The following XKR6 variants were observed in gnomAD, a reference collection of about 807,000 sequenced individuals.
XKR6 encodes XK-related protein 6.
Under a neutral mutation model 56.7 loss-of-function variants are expected in XKR6, and 22 were observed. The ratio of observed to expected loss-of-function variants is 0.39; its 90% CI spans 0.28 to 0.55. The LOEUF is 0.55. Among genes scored for constraint, XKR6 ranks in the 20% least tolerant of loss-of-function variants. The pLI is 0.66. For synonymous variants in XKR6, 524 were observed against 387.8 expected, an observed-to-expected ratio of 1.35 and a Z score of -4.13; for missense variants, 852 against 889.0, an observed-to-expected ratio of 0.96 and a Z score of 0.53.
chr8:11,050,061 G>T (rs550977605), intron 1 of XKR6, among the ~76,000 whole-genome samples: 1 of 152,180 alleles, frequency 6.6e-6, no homozygotes, highest in Non-Finnish European at 1.5e-5. Context: ...ACACGCTCCA[G>T]TCCTCGGGGT....
rs1035719190 is a variant in XKR6 at position 10,898,294 on chromosome 8, G to A, written c.1584C>T (p.Pro528=). 8.7e-6 allele frequency: 14 copies of A among 1,613,970 alleles called. No homozygotes were observed. Among genetic ancestry groups the A allele is most frequent in the Admixed American group, 1.7e-5 (1 of 60,004 alleles). The change falls in exon 3 of 3, where the codon CCC becomes CCT. Residue 528 remains proline, a synonymous_variant. Transcript: ENST00000416569. The surrounding 1 kb of genome is among the most constrained non-coding windows in gnomAD (Gnocchi z 6.6). ...GGTACCCAGGGATCTCAGGCGCCAT[G>A]GGCTCAACATCGGGGGGCAAAGGGA... ...WGIPLPPDVE[P]MAPEIPGYRG...
intron 1 of XKR6, among the ~76,000 whole-genome samples, chr8:10,988,500 C>T (rs1797914893): frequency 6.6e-6 from 1 of 152,310 alleles, no homozygotes; most frequent in Non-Finnish European, 1.5e-5. Context: ...TGAGAACCCC[C>T]ACTGTCACGT....
At chr8:11,155,072 G>A (rs1425665314) in intron 1 of XKR6, among the ~76,000 whole-genome samples, 1 of 152,198 alleles carries the variant, frequency 6.6e-6, no homozygotes, top group Non-Finnish European at 1.5e-5. Flanking sequence ...CAGAACCATG[G>A]TTTCATCCTG....
At chr8:11,183,104 T>C (rs1803082690) in intron 1 of XKR6, among the ~76,000 whole-genome samples, 1 of 152,214 alleles carries the variant, frequency 6.6e-6, no homozygotes, top group Admixed American at 6.5e-5. Context: ...ATTTTGTTTA[T>C]TCACTTGTGT....
chr8:11,128,124 T>A (rs1200564454), intron 1 of XKR6, among the ~76,000 whole-genome samples: 1 of 152,186 alleles, frequency 6.6e-6, no homozygotes, highest in African/African-American at 2.4e-5. Context: ...TTAGCTAGAA[T>A]GAAGTTAATA....
At position 11,114,278 on chromosome 8, in the gene XKR6, G is replaced by T. The variant is rs192124300; in HGVS notation, c.764+86298C>A. Among the ~76,000 whole-genome samples, 215 of 152,208 alleles carry T rather than the reference G, an allele frequency of 1.4e-3. 3 individuals are homozygous for T. In the East Asian group the frequency reaches 0.029, roughly 21 times the overall value. On this transcript the variant is annotated intron_variant, in intron 1 of 2. Coordinates refer to ENST00000416569, the MANE Select transcript of XKR6 (RefSeq NM_173683.4). ...CCCGTCTTATCCTGTTAGCCGCTGG[G>T]TATCGTAACAACTGAAATCCAAGTT...
chr8:10,983,281 A>G (rs2129137924), intron 1 of XKR6, among the ~76,000 whole-genome samples: 1 of 152,312 alleles, frequency 6.6e-6, no homozygotes, highest in South Asian at 2.1e-4. Flanking sequence ...AGTTAACATC[A>G]TCAAGAAAAA....
chr8:10,993,823 G>A (rs73539337), intron 1 of XKR6, among the ~76,000 whole-genome samples: 4,791 of 152,272 alleles, frequency 0.031, 257 homozygotes, highest in African/African-American at 0.11. Flanking sequence ...TATTCAAAGA[G>A]GGGCTGGGGT....
At chr8:11,048,729 G>C (rs749424059) in intron 1 of XKR6, among the ~76,000 whole-genome samples, 8 of 152,284 alleles carry the variant, frequency 5.3e-5, no homozygotes, top group South Asian at 4.2e-4. Context: ...TGCAGGGTTT[G>C]TGCTACCCCC....
intron 1 of XKR6, among the ~76,000 whole-genome samples, chr8:11,138,943 C>G (rs1212953520): frequency 6.6e-6 from 1 of 151,496 alleles, no homozygotes; most frequent in East Asian, 1.9e-4. Flanking sequence ...AAAACCTGAC[C>G]TCAAGATGAA....
chr8:10,953,662 A>C (rs1050954577), intron 1 of XKR6, among the ~76,000 whole-genome samples: 15 of 152,208 alleles, frequency 9.9e-5, no homozygotes, highest in African/African-American at 3.4e-4. Context: ...TGTGGGAAGA[A>C]TCTAGATAAT....
intron 1 of XKR6, among the ~76,000 whole-genome samples, chr8:10,984,732 C>CTCTCTA: frequency 7.6e-4 from 36 of 47,480 alleles, no homozygotes; most frequent in African/African-American, 2.0e-3. Flanking sequence ...CTCTCTCTCT[C>CTCTCTA]TATATATATA....
rs1799938107 is a variant in XKR6 at position 10,898,132 on chromosome 8, C to A, written c.1746G>T (p.Gly582=). 4 of 1,614,024 alleles carry A rather than the reference C, an allele frequency of 2.5e-6. No homozygotes were observed. The East Asian group carries it at 8.9e-5, about 36-fold the overall frequency. Residue 582 remains glycine (G), a synonymous_variant, in exon 3 of 3, where the codon GGG becomes GGT. Coordinates refer to ENST00000416569, the MANE Select transcript of XKR6 (RefSeq NM_173683.4). The surrounding 1 kb of genome is among the most constrained non-coding windows in gnomAD (Gnocchi z 6.6). ...TTGGCATGTCAATCTTAATGAGGGG[C>A]CCTTCTGGGAGGTAAGGACGCCCCA... The part of the protein sequence containing the change: ...TPLGRPYLPE[G]PLIKIDMPRK...
chr8:11,036,318 T>A (rs753095251), intron 1 of XKR6, among the ~76,000 whole-genome samples: 4 of 152,216 alleles, frequency 2.6e-5, no homozygotes, highest in Non-Finnish European at 4.4e-5. Context: ...AAGTTTCTAA[T>A]CCAATCTCTT....
At chr8:11,062,828 T>G (rs1364656798) in intron 1 of XKR6, 2 of 456,194 alleles carry the variant, frequency 4.4e-6, no homozygotes, top group Non-Finnish European at 8.8e-6. Context: ...GCAATCAGCG[T>G]GGCCGTGCGC....
Position 11,075,524 on chromosome 8 carries a change from A to G in XKR6, c.764+125052T>C, listed in dbSNP as rs561581935. 5.3e-5 allele frequency among the ~76,000 whole-genome samples: 8 copies of G among 152,180 alleles called. No homozygotes were observed. In the South Asian group the frequency reaches 1.7e-3, roughly 32 times the overall value. On this transcript the variant is annotated intron_variant, in intron 1 of 2. Coordinates refer to ENST00000416569, the MANE Select transcript of XKR6 (RefSeq NM_173683.4). ...CAAAGCACTTCCAGCCACATTCACA[A>G]CTCAATCCTCACAGCAATCTGGCAG...
intron 1 of XKR6, among the ~76,000 whole-genome samples, chr8:11,043,000 C>T (rs1309681927): frequency 6.6e-6 from 1 of 152,172 alleles, no homozygotes; most frequent in Non-Finnish European, 1.5e-5. Flanking sequence ...TGGTGGACCC[C>T]AGGCTTGTGC....
chr8:11,028,023 A>G (rs1406251082), intron 1 of XKR6, among the ~76,000 whole-genome samples: 5 of 152,126 alleles, frequency 3.3e-5, no homozygotes, highest in African/African-American at 1.2e-4. Flanking sequence ...ACATTCTGGG[A>G]ATTTTGGCGA....
intron 1 of XKR6, among the ~76,000 whole-genome samples, chr8:11,171,333 T>C (rs1318176208): frequency 6.6e-6 from 1 of 152,266 alleles, no homozygotes; most frequent in African/African-American, 2.4e-5. Flanking sequence ...TATCCTGTCG[T>C]CTACTTAACC....
Sources: gnomAD v4.1 joint callset for allele counts (sites outside exome capture counted in the v4.1 genomes callset) on GRCh38, gnomAD v4.1.1 for gene constraint, Gnocchi (gnomAD v3.1) non-coding constraint, MANE v1.5 for transcripts, NCBI Gene and HGNC (gene_info 2026-07-23, HGNC 2026-07-21) for gene names.